The following KLHL1 variants were observed in gnomAD, a reference collection of about 807,000 sequenced individuals.
KLHL1 encodes kelch like family member 1, also known as kelch-like protein 1.
In KLHL1, 47 loss-of-function variants were observed where a neutral mutation model predicts 77.7. That is an observed-to-expected ratio of 0.60 (90% confidence interval 0.48 to 0.77). KLHL1 has a LOEUF of 0.77. Ranked by LOEUF, KLHL1 falls within the 30% of genes least tolerant of loss-of-function variation. The probability of loss-of-function intolerance (pLI) is 0.00; values close to 1 mark genes in which losing one functional copy is unlikely to be tolerated. For missense variants in KLHL1, 925 were observed against 910.8 expected (o/e 1.02, Z -0.20); for synonymous variants, 360 against 325.2 (o/e 1.11, Z -1.15).
intron 1 of KLHL1, among the ~76,000 whole-genome samples, chr13:70,039,637 C>CTTTTT (rs773600359): frequency 3.2e-5 from 4 of 125,516 alleles, no homozygotes; most frequent in African/African-American, 1.2e-4. Flanking sequence ...ATTCCTTGAA[C>CTTTTT]TTTTTTTTTT....
intron 4 of KLHL1, among the ~76,000 whole-genome samples, chr13:69,895,786 A>G (rs1251733610): frequency 6.8e-6 from 1 of 147,548 alleles, no homozygotes; most frequent in Admixed American, 6.9e-5. Context: ...GGCTCACTGC[A>G]GCTACCATCT....
chr13:69,829,354 T>A (rs1878670687), intron 6 of KLHL1, among the ~76,000 whole-genome samples: 1 of 149,646 alleles, frequency 6.7e-6, no homozygotes, highest in African/African-American at 2.5e-5. Flanking sequence ...ATCACTGCAG[T>A]CCAGCTCTCA....
At chr13:70,019,225 C>A (rs1043588092) in intron 1 of KLHL1, among the ~76,000 whole-genome samples, 1 of 151,840 alleles carries the variant, frequency 6.6e-6, no homozygotes, top group African/African-American at 2.4e-5. Context: ...GTTTGCAAGT[C>A]CAAAGAAGAG....
At chr13:69,916,486 A>G (rs1232759089) in intron 4 of KLHL1, among the ~76,000 whole-genome samples, 1 of 152,040 alleles carries the variant, frequency 6.6e-6, no homozygotes, top group South Asian at 2.1e-4. Flanking sequence ...AAACTATCGC[A>G]AGGACAAAAA....
chr13:70,088,220 A>G (rs1193688374), intron 1 of KLHL1, among the ~76,000 whole-genome samples: 1 of 152,214 alleles, frequency 6.6e-6, no homozygotes, highest in Admixed American at 6.5e-5. Context: ...TAAAACAACA[A>G]CAACAACAAC....
chr13:70,078,832 T>C (rs1226215738), intron 1 of KLHL1, among the ~76,000 whole-genome samples: 1 of 152,176 alleles, frequency 6.6e-6, no homozygotes, highest in Non-Finnish European at 1.5e-5. Flanking sequence ...CAAAGTGACT[T>C]AATATACTCC....
intron 7 of KLHL1, among the ~76,000 whole-genome samples, chr13:69,748,845 G>A (rs567071376): frequency 6.6e-6 from 1 of 151,768 alleles, no homozygotes; most frequent in Admixed American, 6.6e-5. Context: ...GAATGATAGA[G>A]CAAGTATAAA....
chr13:69,850,660 T>A (rs1385706145), intron 5 of KLHL1, among the ~76,000 whole-genome samples: 1 of 151,700 alleles, frequency 6.6e-6, no homozygotes, highest in Non-Finnish European at 1.5e-5. Flanking sequence ...ATACCAGCTA[T>A]CATATACAGA....
chr13:69,968,533 G>T (rs1195309872), intron 2 of KLHL1, among the ~76,000 whole-genome samples: 1 of 108,682 alleles, frequency 9.2e-6, no homozygotes, highest in Non-Finnish European at 2.0e-5. Context: ...GGTATTATGG[G>T]TTGAAATTTA....
At chr13:70,067,266 T>A (rs1342551859) in intron 1 of KLHL1, among the ~76,000 whole-genome samples, 1 of 152,256 alleles carries the variant, frequency 6.6e-6, no homozygotes, top group Non-Finnish European at 1.5e-5. Context: ...TCATTGTTTA[T>A]TGTATGTAAT....
intron 9 of KLHL1, among the ~76,000 whole-genome samples, chr13:69,708,502 T>C (rs1401247619): frequency 2.0e-5 from 3 of 152,000 alleles, no homozygotes; most frequent in African/African-American, 2.4e-5. Flanking sequence ...GAGAAATAAT[T>C]ATAACATGAA....
At chr13:69,800,754 T>C (rs1877340185) in intron 6 of KLHL1, among the ~76,000 whole-genome samples, 1 of 152,188 alleles carries the variant, frequency 6.6e-6, no homozygotes, top group South Asian at 2.1e-4. Context: ...AGACTGTATG[T>C]ATTTCCCTGG....
intron 5 of KLHL1, among the ~76,000 whole-genome samples, chr13:69,855,244 C>A (rs150625544): frequency 6.6e-6 from 1 of 151,628 alleles, no homozygotes; most frequent in East Asian, 2.0e-4. Flanking sequence ...GAGAGTGATG[C>A]CAGAACGGCT....
intron 1 of KLHL1, among the ~76,000 whole-genome samples, chr13:70,002,341 T>C (rs938890661): frequency 3.3e-5 from 5 of 151,524 alleles, no homozygotes; most frequent in African/African-American, 1.2e-4. Context: ...TCTTAATGTA[T>C]GAATAGATTA....
At chr13:69,841,567 C>G (rs1879262554) in intron 5 of KLHL1, among the ~76,000 whole-genome samples, 1 of 151,494 alleles carries the variant, frequency 6.6e-6, no homozygotes, top group Admixed American at 6.6e-5. Flanking sequence ...ATAACACAAA[C>G]AAATAAAAAA....
At chr13:69,975,551 A>C (rs1380006259) in intron 2 of KLHL1, 69 bp downstream of exon 2, 2 of 1,303,284 alleles carry the variant, frequency 1.5e-6, no homozygotes, top group Admixed American at 2.4e-5. Context: ...AATATTCTGC[A>C]ATCTGCATGC....
At chr13:69,947,681 TA>T (rs1883575191) in intron 3 of KLHL1, among the ~76,000 whole-genome samples, 1 of 152,182 alleles carries the variant, frequency 6.6e-6, no homozygotes, top group African/African-American at 2.4e-5. Context: ...TTTTATTTTC[TA>T]AAACTTGGAC....
intron 2 of KLHL1, among the ~76,000 whole-genome samples, chr13:69,974,619 T>C (rs1163038639): frequency 6.6e-6 from 1 of 152,004 alleles, no homozygotes; most frequent in African/African-American, 2.4e-5. Context: ...TAATATATTT[T>C]TGAGTTGGTT....
intron 2 of KLHL1, among the ~76,000 whole-genome samples, chr13:69,969,071 T>C (rs926911409): frequency 2.6e-5 from 4 of 152,136 alleles, no homozygotes; most frequent in African/African-American, 7.2e-5. Flanking sequence ...TTTTCATTTA[T>C]TTATTTTGAA....
Sources: gnomAD v4.1 joint callset for allele counts (sites outside exome capture counted in the v4.1 genomes callset) on GRCh38, gnomAD v4.1.1 for gene constraint, MANE v1.5 for transcripts, NCBI Gene and HGNC (gene_info 2026-07-23, HGNC 2026-07-21) for gene names.